Variants in FARP1 observed in about 807,000 individuals in gnomAD.
The protein encoded by FARP1 is FERM, ARHGEF and pleckstrin domain-containing protein 1.
FARP1 carries 52 observed loss-of-function variants against 128.8 expected under a neutral mutation model. That is an observed-to-expected ratio of 0.40 (90% CI 0.32 to 0.51). The LOEUF is 0.51. FARP1 is among the 20% of genes least tolerant of loss of function. The pLI is 0.45. For missense variants in FARP1, 1,333 were observed against 1,367.9 expected (o/e 0.97, Z 0.40); for synonymous variants, 580 against 551.8 (o/e 1.05, Z -0.72).
At chr13:98,385,532 G>A in intron 7 of FARP1, 135 bp from the exon 8 acceptor site, 2 of 890,456 alleles carry the variant, frequency 2.2e-6, no homozygotes, top group Non-Finnish European at 3.6e-6. Context: ...GAGATTGGGT[G>A]TCATCTGATC....
At chr13:98,359,701 T>TATTC (rs1231847301) in intron 3 of FARP1, among the ~76,000 whole-genome samples, 3 of 152,222 alleles carry the variant, frequency 2.0e-5, no homozygotes, top group Non-Finnish European at 4.4e-5. Context: ...TTGGCCTCAG[T>TATTC]ATTCAGCACA....
chr13:98,377,958 T>C, intron 6 of FARP1, 40 bp downstream of exon 6: 2 of 1,383,944 alleles, frequency 1.4e-6, no homozygotes, highest in Non-Finnish European at 1.0e-6. Flanking sequence ...ATGTTCAAAA[T>C]AACACAGTGA....
At chr13:98,286,728 G>C (rs146756935) in intron 2 of FARP1, among the ~76,000 whole-genome samples, 75 of 152,220 alleles carry the variant, frequency 4.9e-4, no homozygotes, top group African/African-American at 1.8e-3. Context: ...ATTGATTACC[G>C]ATGGACTCAT....
At chr13:98,242,692 TAATATAAAATTTTGAAA>T (rs1954433548) in intron 2 of FARP1, among the ~76,000 whole-genome samples, 1 of 152,192 alleles carries the variant, frequency 6.6e-6, no homozygotes, top group African/African-American at 2.4e-5. Context: ...AATCTGGACT[TAATATAAAATTTTGAAA>T]GATGTAAGGC....
intron 1 of FARP1, among the ~76,000 whole-genome samples, chr13:98,164,643 T>A (rs775692277): frequency 3.9e-5 from 6 of 152,224 alleles, no homozygotes; most frequent in Non-Finnish European, 8.8e-5. Flanking sequence ...GCTGATATTC[T>A]TAATTGTTTT....
At position 98,233,493 on chromosome 13, in the gene FARP1, A is replaced by C. The variant is rs536711921; in HGVS notation, c.171+20080A>C. Among the ~76,000 whole-genome samples, 18 of 150,912 alleles carry C rather than the reference A, an allele frequency of 1.2e-4. No homozygotes were observed. The East Asian group carries it at 3.1e-3, about 26-fold the overall frequency. ...AGTCCCAGCTCCTTCCCCCAAATAC[A>C]CTCATTAGATAGACAAGCCCCAGGG... On this transcript the variant is annotated intron_variant, in intron 2 of 26. Coordinates refer to ENST00000319562, the MANE Select transcript of FARP1 (RefSeq NM_005766.4).
chr13:98,186,454 T>TA (rs1459615023), intron 1 of FARP1, among the ~76,000 whole-genome samples: 1 of 152,138 alleles, frequency 6.6e-6, no homozygotes, highest in Non-Finnish European at 1.5e-5. Flanking sequence ...CTGCCCCTGG[T>TA]AACTCTTCTA....
chr13:98,359,460 G>C (rs1383057073), intron 3 of FARP1, among the ~76,000 whole-genome samples: 1 of 152,166 alleles, frequency 6.6e-6, no homozygotes, highest in African/African-American at 2.4e-5. Context: ...GGGGAAAAAG[G>C]ATGTTTTGAG....
chr13:98,384,620 T>A, intron 6 of FARP1, 110 bp from the exon 7 acceptor site: 1 of 663,478 alleles, frequency 1.5e-6, no homozygotes, highest in Non-Finnish European at 2.7e-6. Flanking sequence ...CCCCACCAAC[T>A]GGGCTCACCT....
chr13:98,392,511 A>AG (rs1890352734), intron 11 of FARP1, among the ~76,000 whole-genome samples: 1 of 151,610 alleles, frequency 6.6e-6, no homozygotes, highest in African/African-American at 2.4e-5. Context: ...AAAAAAAAAA[A>AG]AGAGAAAAAA....
Position 98,411,957 on chromosome 13 carries a change from C to G in FARP1, c.1749C>G (p.Leu583=). 1 of 1,614,034 alleles carries G rather than the reference C, an allele frequency of 6.2e-7. No homozygotes were observed. Among genetic ancestry groups the G allele is most frequent in the Non-Finnish European group, 8.5e-7 (1 of 1,179,892 alleles). ...EDAMPEALKS[L]IFPNFEPLHK... Reference sequence around the variant, plus strand: ...CCATGCCGGAAGCACTGAAAAGTCTCATATTCCCGAATTTTGAACCTTTGC... The same window carrying G: ...CCATGCCGGAAGCACTGAAAAGTCTGATATTCCCGAATTTTGAACCTTTGC... Residue 583 remains leucine, a synonymous_variant, in exon 16 of 27, where the codon CTC becomes CTG. Transcript: ENST00000319562.
At chr13:98,257,429 C>G (rs1055211824) in intron 2 of FARP1, among the ~76,000 whole-genome samples, 1 of 151,470 alleles carries the variant, frequency 6.6e-6, no homozygotes, top group Non-Finnish European at 1.5e-5. Flanking sequence ...TCTGTACGCC[C>G]TTCTTTCTGC....
Position 98,373,858 on chromosome 13 carries a change from CTA to C in FARP1, c.399-3960_399-3959del, listed in dbSNP as rs368662466. On this transcript the variant is annotated intron_variant, in intron 5 of 26. Transcript: ENST00000319562. ...TCTCATTTAATTCTTATGGAAACCTCTATAGCTAATACTATTAAAGGCCCTTT... is the reference window on the plus strand; with the variant it reads ...TCTCATTTAATTCTTATGGAAACCTCTAGCTAATACTATTAAAGGCCCTTT... Among the ~76,000 whole-genome samples the C allele has an allele frequency of 2.5e-4, 38 of 152,200 alleles. No individual in the cohort carries two copies. In the South Asian group the frequency reaches 7.9e-3, roughly 32 times the overall value.
intron 2 of FARP1, among the ~76,000 whole-genome samples, chr13:98,319,037 A>C (rs1483060373): frequency 7.0e-6 from 1 of 143,490 alleles, no homozygotes; most frequent in East Asian, 2.1e-4. Context: ...ATCTCAGCTC[A>C]CTGCAGCCTC....
intron 2 of FARP1, among the ~76,000 whole-genome samples, chr13:98,277,744 T>G (rs1263659140): frequency 6.6e-6 from 1 of 152,196 alleles, no homozygotes; most frequent in East Asian, 1.9e-4. Flanking sequence ...TCAAGAAACA[T>G]GGTATTCAGT....
At chr13:98,191,529 A>G (rs1879226487) in intron 1 of FARP1, among the ~76,000 whole-genome samples, 1 of 152,222 alleles carries the variant, frequency 6.6e-6, no homozygotes, top group South Asian at 2.1e-4. Context: ...TACTGTATAG[A>G]CTACCAACGT....
At chr13:98,437,404 C>T (rs1390385925) in intron 19 of FARP1, among the ~76,000 whole-genome samples, 3 of 151,924 alleles carry the variant, frequency 2.0e-5, no homozygotes, top group Non-Finnish European at 2.9e-5. Flanking sequence ...GAATTATTTA[C>T]GAAGACAGTT....
intron 2 of FARP1, among the ~76,000 whole-genome samples, chr13:98,287,602 A>G (rs1354159422): frequency 6.6e-6 from 1 of 151,964 alleles, no homozygotes; most frequent in East Asian, 1.9e-4. Context: ...GACTGATTCT[A>G]GATTGTTTGC....
intron 1 of FARP1, among the ~76,000 whole-genome samples, chr13:98,203,157 C>T (rs987348326): frequency 2.0e-5 from 3 of 152,246 alleles, no homozygotes; most frequent in African/African-American, 7.2e-5. Flanking sequence ...GGAGTCAGCT[C>T]TCCTTCCAGT....
Sources: gnomAD v4.1 joint callset for allele counts (sites outside exome capture counted in the v4.1 genomes callset) on GRCh38, gnomAD v4.1.1 for gene constraint, MANE v1.5 for transcripts, NCBI Gene and HGNC (gene_info 2026-07-23, HGNC 2026-07-21) for gene names.